The following ADGB variants were observed in gnomAD, a reference collection of about 807,000 sequenced individuals.
ADGB encodes calpain-7-like protein.
ADGB carries 172 observed loss-of-function variants against 210.5 expected under a neutral mutation model. The ratio of observed to expected loss-of-function variants is 0.82; its 90% confidence interval spans 0.72 to 0.93. ADGB has a LOEUF of 0.93. ADGB is among the 40% of genes least tolerant of loss of function. The pLI, the probability that ADGB is intolerant of heterozygous loss-of-function variation, is 0.00. For missense variants in ADGB, 2,025 were observed against 1,964.8 expected (o/e 1.03, Z -0.58); for synonymous variants, 658 against 662.7 (o/e 0.99, Z 0.11).
chr6:146,601,665 T>C (rs548109242), intron 1 of ADGB, among the ~76,000 whole-genome samples: 1 of 152,332 alleles, frequency 6.6e-6, no homozygotes, highest in South Asian at 2.1e-4. Context: ...AACTCTAACA[T>C]GTTCCTGGAT....
chr6:146,660,124 T>C (rs1775835185), intron 5 of ADGB, among the ~76,000 whole-genome samples: 1 of 152,134 alleles, frequency 6.6e-6, no homozygotes, highest in Non-Finnish European at 1.5e-5. Flanking sequence ...CCACTTCCCA[T>C]GCCCCACTCC....
At chr6:146,752,833 T>A in intron 27 of ADGB, 119 bp downstream of exon 27, 1 of 876,210 alleles carries the variant, frequency 1.1e-6, no homozygotes, top group Non-Finnish European at 1.6e-6. Context: ...AACTTCATAG[T>A]ACAGTAAAAT....
rs907391317 is a variant in ADGB, at chr6:146,804,774, C to T, written c.4818+2763C>T. 1.3e-5 allele frequency among the ~76,000 whole-genome samples: 2 copies of T among 152,170 alleles called. 1 individual carries two copies. The highest frequency in any genetic ancestry group is 4.1e-4 in the South Asian group (2 of 4,830). ...TGCCACAAAACAATTGTACCAATCACGACAAACTAGGCTTATCCTGTGGTA... is the reference window on the plus strand; with the variant it reads ...TGCCACAAAACAATTGTACCAATCATGACAAACTAGGCTTATCCTGTGGTA... On this transcript the variant is annotated intron_variant, in intron 35 of 35. Coordinates refer to ENST00000397944, the MANE Select transcript of ADGB (RefSeq NM_024694.4).
chr6:146,635,562 G>GTT (rs1364009405), intron 2 of ADGB, 25 bp downstream of exon 2: 16 of 1,462,216 alleles, frequency 1.1e-5, no homozygotes, highest in Non-Finnish European at 1.5e-5. Context: ...ATGTGACTAG[G>GTT]TTTCATTTTG....
At chr6:146,796,898 G>A (rs899676272) in intron 33 of ADGB, among the ~76,000 whole-genome samples, 19 of 152,102 alleles carry the variant, frequency 1.2e-4, no homozygotes, top group Admixed American at 2.6e-4. Flanking sequence ...AATCAGCAGA[G>A]TAAACAGACA....
intron 1 of ADGB, among the ~76,000 whole-genome samples, chr6:146,622,816 TTCTC>T (rs1425348534): frequency 6.6e-6 from 1 of 152,052 alleles, no homozygotes; most frequent in East Asian, 1.9e-4. Context: ...GTCACAAAGA[TTCTC>T]TCCTGTTTTA....
chr6:146,761,567 C>T (rs1484301092), intron 27 of ADGB, among the ~76,000 whole-genome samples: 2 of 152,162 alleles, frequency 1.3e-5, no homozygotes, highest in African/African-American at 2.4e-5. Flanking sequence ...TCCATGAACA[C>T]AGTACATCCC....
At chr6:146,633,442 CT>C (rs1392765130) in intron 1 of ADGB, among the ~76,000 whole-genome samples, 3 of 151,998 alleles carry the variant, frequency 2.0e-5, no homozygotes, top group South Asian at 2.1e-4. Flanking sequence ...GACCCTCCCC[CT>C]GCCTTAGATC....
At chr6:146,740,257 T>C (rs945667068) in intron 23 of ADGB, among the ~76,000 whole-genome samples, 1 of 152,216 alleles carries the variant, frequency 6.6e-6, no homozygotes, top group South Asian at 2.1e-4. Flanking sequence ...GACAGACATC[T>C]TTTGTGATTA....
rs113670238 is a variant in ADGB, at chr6:146,606,291, A to G, written c.74+7177A>G. On this transcript the variant is annotated intron_variant, in intron 1 of 35. Coordinates refer to ENST00000397944, the MANE Select transcript of ADGB (RefSeq NM_024694.4). ...TTTAAGTTCCTTATAGATTCTAGAT[A>G]TTAAACTATTGTCAGATGCATAGTT... is the stretch of plus-strand genomic sequence containing the variant. Among the ~76,000 whole-genome samples the G allele has an allele frequency of 2.1e-3, 316 of 152,304 alleles. 2 individuals carry two copies. The highest frequency in any genetic ancestry group is 7.2e-3 in the African/African-American group (299 of 41,570).
At chr6:146,795,680 C>T (rs1324965719) in intron 33 of ADGB, among the ~76,000 whole-genome samples, 3 of 152,130 alleles carry the variant, frequency 2.0e-5, no homozygotes, top group African/African-American at 7.2e-5. Flanking sequence ...AAAAGGAACA[C>T]TTATACATTG....
At chr6:146,632,438 C>T (rs1781078945) in intron 1 of ADGB, among the ~76,000 whole-genome samples, 1 of 152,174 alleles carries the variant, frequency 6.6e-6, no homozygotes, top group African/African-American at 2.4e-5. Context: ...TCTCAAGATA[C>T]TTAATCACAT....
At chr6:146,790,611 C>T (rs540687057) in intron 33 of ADGB, among the ~76,000 whole-genome samples, 1 of 152,302 alleles carries the variant, frequency 6.6e-6, no homozygotes, top group East Asian at 1.9e-4. Context: ...TACTTTGGTC[C>T]TTTCAACATA....
chr6:146,618,845 T>G (rs1457178130), intron 1 of ADGB, among the ~76,000 whole-genome samples: 1 of 151,722 alleles, frequency 6.6e-6, no homozygotes. Context: ...TGAAATGTTA[T>G]GTAAATGTCT....
intron 1 of ADGB, among the ~76,000 whole-genome samples, chr6:146,605,549 A>G (rs1780619378): frequency 6.6e-6 from 1 of 152,124 alleles, no homozygotes; most frequent in Non-Finnish European, 1.5e-5. Flanking sequence ...TCATAAATGC[A>G]TGTGTAATTT....
chr6:146,715,959 T>C (rs182225956), intron 14 of ADGB, among the ~76,000 whole-genome samples: 2 of 151,296 alleles, frequency 1.3e-5, no homozygotes, highest in East Asian at 2.0e-4. Context: ...TCCCAGCTAC[T>C]TGGGAGGCTG....
At chr6:146,724,638 T>C (rs1776868165) in intron 18 of ADGB, 1 of 164,622 alleles carries the variant, frequency 6.1e-6, no homozygotes. Flanking sequence ...ATTATACACA[T>C]AACATTTATA....
rs905686903 is a variant in ADGB at position 146,726,152 on chromosome 6, A to T, written c.2307A>T (p.Ser769=). 1 of 1,549,998 alleles carries T rather than the reference A, an allele frequency of 6.5e-7. No individual in the cohort carries two copies. Among genetic ancestry groups the T allele is most frequent in the South Asian group, 1.2e-5 (1 of 83,984 alleles). ...GHSIHICSMV[S]FVIGDEHVVL... ...CCATACACATCTGCAGCATGGTGTC[A>T]TTTGTCATTGGGGATGAACACGTTG... Residue 769 remains serine (S), a synonymous_variant, in exon 19 of 36, where the codon TCA becomes TCT. Transcript: ENST00000397944.
chr6:146,664,397 A>G (rs535757591), intron 6 of ADGB, 57 bp downstream of exon 6: 91 of 1,449,840 alleles, frequency 6.3e-5, no homozygotes, highest in African/African-American at 4.6e-4. Flanking sequence ...AACATTAACT[A>G]TACATTTGTA....
Sources: allele counts gnomAD v4.1 joint callset (sites outside exome capture counted in the v4.1 genomes callset), GRCh38; gene constraint gnomAD v4.1.1; transcripts MANE v1.5; gene names NCBI Gene and HGNC (gene_info 2026-07-23, HGNC 2026-07-21).